SLC39A14: variants seen among roughly 807,000 people sequenced by gnomAD.
SLC39A14 encodes the protein solute carrier family 39 member 14, also known as metal cation symporter ZIP14.
In SLC39A14, 19 loss-of-function variants were observed where a neutral mutation model predicts 45.5. The observed-to-expected ratio is 0.42, with a 90% CI of 0.29 to 0.61. The LOEUF (loss-of-function observed/expected upper bound fraction) is 0.61, where lower values mean the gene tolerates loss of function less well. Ranked by LOEUF, SLC39A14 falls within the 20% of genes least tolerant of loss-of-function variation. The pLI is 0.22. For missense variants in SLC39A14, 447 were observed against 616.5 expected (o/e 0.73, Z 2.91); for synonymous variants, 264 against 251.3 (o/e 1.05, Z -0.48).
intron 2 of SLC39A14, among the ~76,000 whole-genome samples, chr8:22,407,140 C>T (rs539252940): frequency 2.8e-4 from 43 of 152,342 alleles, no homozygotes; most frequent in Non-Finnish European, 4.6e-4. Context: ...TCTGTGAACA[C>T]ATATGTCTTT....
intron 1 of SLC39A14, among the ~76,000 whole-genome samples, chr8:22,394,466 C>T (rs1834262942): frequency 6.6e-6 from 1 of 151,750 alleles, no homozygotes; most frequent in Admixed American, 6.6e-5. Flanking sequence ...ACTACAGGCG[C>T]CCACCACCAC....
chr8:22,401,263 G>A (rs774959317), intron 1 of SLC39A14, among the ~76,000 whole-genome samples: 7 of 152,194 alleles, frequency 4.6e-5, no homozygotes, highest in African/African-American at 7.2e-5. Context: ...CCACTCTGCC[G>A]CTGTTCCTCT....
chr8:22,414,671 T>G (rs1835769096), intron 4 of SLC39A14, 109 bp from the exon 5 acceptor site: 2 of 1,197,984 alleles, frequency 1.7e-6, no homozygotes, highest in Non-Finnish European at 2.3e-6. Flanking sequence ...GTTACTCCAT[T>G]ATGCCTCTCT....
intron 1 of SLC39A14, among the ~76,000 whole-genome samples, chr8:22,370,683 A>G (rs1832875849): frequency 6.6e-6 from 1 of 152,104 alleles, no homozygotes; most frequent in South Asian, 2.1e-4. Flanking sequence ...TTGCTTGGAA[A>G]CTAGAAGAGG....
At chr8:22,403,501 G>T (rs1034906019) in intron 1 of SLC39A14, among the ~76,000 whole-genome samples, 1 of 149,756 alleles carries the variant, frequency 6.7e-6, no homozygotes, top group Non-Finnish European at 1.5e-5. Flanking sequence ...AGCTGGTCTC[G>T]AACTCCTGAC....
At chr8:22,425,790 G>T (rs573281503), downstream of SLC39A14, among the ~76,000 whole-genome samples, 23 of 132,244 alleles carry the variant, frequency 1.7e-4, no homozygotes, top group Middle Eastern at 4.3e-3. Context: ...CAGATTCCAA[G>T]ATGGTAGCAT....
intron 1 of SLC39A14, among the ~76,000 whole-genome samples, chr8:22,373,516 A>G (rs1414326773): frequency 2.0e-5 from 3 of 152,190 alleles, no homozygotes; most frequent in African/African-American, 4.8e-5. Context: ...CTTCTACCTT[A>G]GAAATTTCTC....
intron 1 of SLC39A14, chr8:22,398,550 G>A (rs746014084): frequency 1.8e-4 from 30 of 164,224 alleles, no homozygotes; most frequent in Non-Finnish European, 3.4e-4. Flanking sequence ...GCGGTGGGGG[G>A]TTGTCAGGAA....
chr8:22,410,355 G>A (rs1013295573), intron 3 of SLC39A14, among the ~76,000 whole-genome samples: 5 of 152,076 alleles, frequency 3.3e-5, no homozygotes, highest in African/African-American at 1.2e-4. Context: ...CTCCTCCTGG[G>A]GACTTGACAG....
chr8:22,380,484 G>A lies in SLC39A14; in HGVS notation c.-16+13076G>A, dbSNP rs557206427. Among the ~76,000 whole-genome samples, 10 of 152,306 alleles carry A rather than the reference G, an allele frequency of 6.6e-5. No individual in the cohort carries two copies. The South Asian group carries it at 2.1e-3, about 32-fold the overall frequency. ...AGGTGGCCTGGACCTCACCCAGAAA[G>A]TTGTGATTCAGGACCGAGATGAGGC... On this transcript the variant is annotated intron_variant, in intron 1 of 8. Coordinates refer to ENST00000381237, the MANE Select transcript of SLC39A14 (RefSeq NM_001128431.4).
intron 1 of SLC39A14, among the ~76,000 whole-genome samples, chr8:22,394,248 ACCTG>A (rs1834244773): frequency 6.7e-6 from 1 of 149,420 alleles, no homozygotes. Flanking sequence ...CTCGTGATCC[ACCTG>A]CCTCAGCCTC....
chr8:22,409,871 C>A, intron 3 of SLC39A14: 1 of 1,522,156 alleles, frequency 6.6e-7, no homozygotes, highest in Non-Finnish European at 9.0e-7. Flanking sequence ...GAATTCAGAA[C>A]AGGGCCGCCC....
rs1273043662 is a variant in SLC39A14, at chr8:22,419,859, T to C, written c.*161T>C. On this transcript the variant is annotated 3_prime_UTR_variant, in exon 9 of 9. Transcript: ENST00000381237. ...CAAATGTCAGCCGTTTGTAAAATGCTGTATCCTAGGAATAAGCTGCCCTGG... is the reference window on the plus strand; with the variant it reads ...CAAATGTCAGCCGTTTGTAAAATGCCGTATCCTAGGAATAAGCTGCCCTGG... 6 of 1,352,106 alleles carry C rather than the reference T, an allele frequency of 4.4e-6. No individual in the cohort carries two copies. Among genetic ancestry groups the C allele is most frequent in the Non-Finnish European group, 5.7e-6 (6 of 1,055,202 alleles). The allele number at this position is 1,352,106 out of a possible 1,614,324, so 83.8% of individuals were successfully genotyped here. A position where few individuals can be genotyped will look rare whatever the true frequency, so the allele number is the denominator to read the frequency against.
intron 7 of SLC39A14, 123 bp from the exon 8 acceptor site, chr8:22,417,528 T>C: frequency 1.2e-6 from 1 of 812,146 alleles, no homozygotes; most frequent in Non-Finnish European, 2.0e-6. Context: ...GGATTCAAAC[T>C]CCTGAGCTCA....
chr8:22,391,771 CT>C (rs1834090071), intron 1 of SLC39A14, among the ~76,000 whole-genome samples: 1 of 152,094 alleles, frequency 6.6e-6, no homozygotes, highest in South Asian at 2.1e-4. Context: ...GGTTTCACCA[CT>C]TTGGCCAGGG....
intron 8 of SLC39A14, 72 bp downstream of exon 8, chr8:22,417,907 A>C (rs1408499320): frequency 1.5e-6 from 2 of 1,319,404 alleles, no homozygotes; most frequent in Non-Finnish European, 2.1e-6. Flanking sequence ...GTTTTTTTTT[A>C]TTTTTATTTT....
chr8:22,401,384 GA>G (rs1834842585), intron 1 of SLC39A14, among the ~76,000 whole-genome samples: 5 of 152,062 alleles, frequency 3.3e-5, no homozygotes, highest in Admixed American at 3.3e-4. Context: ...CTGGAGAAAG[GA>G]GACTCATTTT....
chr8:22,404,547 G>C, intron 1 of SLC39A14, 149 bp from the exon 2 acceptor site: 1 of 634,536 alleles, frequency 1.6e-6, no homozygotes, highest in Admixed American at 2.7e-5. Flanking sequence ...TTCAAAAGAA[G>C]GGTTTTTCTC....
chr8:22,398,996 CAG>C (rs1160101269), intron 1 of SLC39A14, among the ~76,000 whole-genome samples: 1 of 152,218 alleles, frequency 6.6e-6, no homozygotes, highest in Non-Finnish European at 1.5e-5. Context: ...CACCCTCAGG[CAG>C]AGAGACTCCA....
Sources: gnomAD v4.1 joint callset for allele counts (sites outside exome capture counted in the v4.1 genomes callset) on GRCh38, gnomAD v4.1.1 for gene constraint, MANE v1.5 for transcripts, NCBI Gene and HGNC (gene_info 2026-07-23, HGNC 2026-07-21) for gene names.